Variants in IHO1 observed in about 807,000 individuals in gnomAD.
The protein encoded by IHO1 is interactor of HORMAD1 protein 1.
Under a neutral mutation model 31.0 loss-of-function variants are expected in IHO1, and 13 were observed. The ratio of observed to expected loss-of-function variants is 0.42; its 90% CI spans 0.27 to 0.67. The LOEUF is 0.67. Among genes scored for constraint, IHO1 ranks in the 30% least tolerant of loss-of-function variants. The pLI is 0.24. For missense variants in IHO1, 599 were observed against 687.5 expected, an observed-to-expected ratio of 0.87 and a Z score of 1.44; for synonymous variants, 221 against 248.4, an observed-to-expected ratio of 0.89 and a Z score of 1.04.
chr3:49,236,686 G>C lies in IHO1; in HGVS notation c.195G>C (p.Leu65Phe), dbSNP rs2046563733. Residue 65 changes from leucine to phenylalanine, a missense_variant, in exon 3 of 8, where the codon TTG (leucine) becomes TTC (phenylalanine). Physicochemically the swap from Leu to Phe is conservative, Grantham distance 22. Coordinates refer to ENST00000452691, the MANE Select transcript of IHO1 (RefSeq NM_001135197.2). Reference protein sequence around the residue: ...LSAPLDFGAHLRHSKQSQQNY... With the variant: ...LSAPLDFGAHFRHSKQSQQNY... ...CACCCTTGGACTTTGGTGCCCACTT[G>C]AGACATTCAAAACAGTCACAACAGA... 1 of 1,613,876 alleles carries C rather than the reference G, an allele frequency of 6.2e-7. No homozygotes were observed. The highest frequency in any genetic ancestry group is 8.5e-7 in the Non-Finnish European group (1 of 1,179,994).
chr3:49,247,774 G>T (rs1019146024), intron 6 of IHO1, among the ~76,000 whole-genome samples: 2 of 150,656 alleles, frequency 1.3e-5, no homozygotes, highest in Non-Finnish European at 3.0e-5. Context: ...GGGAGCTAGA[G>T]CAAGACCCTG....
At chr3:49,191,523 G>A in the IHO1 span, 18 of 677,330 alleles carry the variant, frequency 2.7e-5, no homozygotes, top group South Asian at 2.7e-4. Flanking sequence ...ATTTCCACTG[G>A]CTTTCAGGAG....
At chr3:49,246,498 A>T (rs2046696585) in intron 6 of IHO1, among the ~76,000 whole-genome samples, 1 of 152,000 alleles carries the variant, frequency 6.6e-6, no homozygotes, top group Non-Finnish European at 1.5e-5. Flanking sequence ...TGCAAAAAAA[A>T]TTAGCCAGGC....
intron 2 of IHO1, among the ~76,000 whole-genome samples, chr3:49,225,377 CACTTGA>C (rs555975297): frequency 1.3e-5 from 2 of 152,204 alleles, no homozygotes; most frequent in East Asian, 3.9e-4. Context: ...GCAGGAGAAT[CACTTGA>C]ACCCAGGAGG....
chr3:49,194,601 C>T (rs1241726889), upstream of IHO1, among the ~76,000 whole-genome samples: 1 of 146,688 alleles, frequency 6.8e-6, no homozygotes, highest in Non-Finnish European at 1.5e-5. Context: ...CAAAGTATAC[C>T]ATTTATAAAA....
intron 1 of IHO1, among the ~76,000 whole-genome samples, chr3:49,205,647 G>A (rs2046126600): frequency 6.6e-6 from 1 of 151,020 alleles, no homozygotes; most frequent in African/African-American, 2.4e-5. Flanking sequence ...AGGCTGGAGT[G>A]TGGAGTACAG....
chr3:49,214,613 T>TATATATATATATAC lies in IHO1; in HGVS notation c.56+2790_56+2791insCATATATATATATA, dbSNP rs1553616594. ...ACTATCTTTATTTCTAGATCATATATATATATATATATATATATATTTTTT... is the reference window on the plus strand; with the variant it reads ...ACTATCTTTATTTCTAGATCATATATATATATATATATACATATATATATATATATATATTTTTT... On this transcript the variant is annotated intron_variant, in intron 2 of 7. Transcript: ENST00000452691. Among the ~76,000 whole-genome samples the TATATATATATATAC allele has an allele frequency of 1.4e-3, 39 of 28,882 alleles. 2 individuals are homozygous for TATATATATATATAC. The highest frequency in any genetic ancestry group is 3.2e-3 in the South Asian group (1 of 316). The allele number at this position is 28,882 out of a possible 152,430, so 18.9% of individuals were successfully genotyped here.
chr3:49,201,495 C>T (rs879795031), intron 1 of IHO1, among the ~76,000 whole-genome samples: 10 of 151,938 alleles, frequency 6.6e-5, no homozygotes, highest in Non-Finnish European at 1.0e-4. Flanking sequence ...TGGTAGCACA[C>T]GCCTGTAATC....
In IHO1 at chr3:49,246,916, G is replaced by A. The variant is rs987274487; in HGVS notation, c.532+2183G>A. 6.8e-5 allele frequency among the ~76,000 whole-genome samples: 10 copies of A among 146,202 alleles called. 1 individual carries two copies. Among genetic ancestry groups the A allele is most frequent in the Admixed American group, 2.8e-4 (4 of 14,520 alleles). The stretch of plus-strand genomic sequence containing the variant: ...GTCCCCCAGGCTGGAGTGCGATGGC[G>A]CGAACTTGTGCAACCTCTGCCTCCC... On this transcript the variant is annotated intron_variant, in intron 6 of 7. Transcript: ENST00000452691.
chr3:49,247,631 A>C (rs1252419343), intron 6 of IHO1, among the ~76,000 whole-genome samples: 1 of 151,618 alleles, frequency 6.6e-6, no homozygotes, highest in Non-Finnish European at 1.5e-5. Flanking sequence ...TCTACAAAAA[A>C]TAAACAAAAC....
At chr3:49,216,870 A>G (rs1403985394) in intron 2 of IHO1, among the ~76,000 whole-genome samples, 1 of 152,240 alleles carries the variant, frequency 6.6e-6, no homozygotes, top group Non-Finnish European at 1.5e-5. Flanking sequence ...TTATGCAACC[A>G]ACAGACATAT....
intron 1 of IHO1, among the ~76,000 whole-genome samples, chr3:49,208,066 C>G (rs545963832): frequency 6.6e-6 from 1 of 152,336 alleles, no homozygotes; most frequent in African/African-American, 2.4e-5. Context: ...GCCACTGTGC[C>G]CGGCCAAATT....
At chr3:49,218,505 C>T (rs2046316367) in intron 2 of IHO1, among the ~76,000 whole-genome samples, 1 of 151,464 alleles carries the variant, frequency 6.6e-6, no homozygotes, top group Non-Finnish European at 1.5e-5. Context: ...CCTCAGACTC[C>T]CAAGTAGCAG....
chr3:49,214,818 T>G (rs1330732171), intron 2 of IHO1, among the ~76,000 whole-genome samples: 2 of 150,114 alleles, frequency 1.3e-5, no homozygotes, highest in African/African-American at 4.9e-5. Context: ...ATTTGTATTT[T>G]TAGTAGAGAC....
chr3:49,257,156 G>A lies in IHO1; in HGVS notation c.1659G>A (p.Gly553=), dbSNP rs777534935. The change falls in exon 8 of 8, where the codon GGG becomes GGA. Residue 553 remains glycine (G), a synonymous_variant. Coordinates refer to ENST00000452691, the MANE Select transcript of IHO1 (RefSeq NM_001135197.2). ...GGCTACTTTCCAGCAGTTCCCAGGG[G>A]GACCACCAGATGAGCTGGTTCAGTG... ...DNWLLSSSSQ[G]DHQMSWFSDL... is the part of the protein sequence containing the mutation. 3 of 1,614,154 alleles carry A rather than the reference G, an allele frequency of 1.9e-6. No individual in the cohort carries two copies. The highest frequency in any genetic ancestry group is 1.7e-6 in the Non-Finnish European group (2 of 1,180,022).
intron 2 of IHO1, among the ~76,000 whole-genome samples, chr3:49,227,320 A>G (rs558119365): frequency 9.9e-5 from 15 of 152,146 alleles, no homozygotes; most frequent in Non-Finnish European, 5.9e-5. Flanking sequence ...ATTGGTCCCA[A>G]TGGCTTAGGA....
chr3:49,221,937 G>A (rs1225955774), intron 2 of IHO1, among the ~76,000 whole-genome samples: 1 of 152,188 alleles, frequency 6.6e-6, no homozygotes, highest in Non-Finnish European at 1.5e-5. Flanking sequence ...GTGGCATCTT[G>A]TACTATCGCT....
intron 1 of IHO1, 102 bp from the exon 2 acceptor site, chr3:49,211,664 A>G: frequency 2.1e-6 from 1 of 472,426 alleles, no homozygotes; most frequent in Non-Finnish European, 3.8e-6. Context: ...GGATGGGAAT[A>G]TAGCTGCTGG....
Position 49,257,543 on chromosome 3 carries a change from T to C in IHO1, c.*261T>C, listed in dbSNP as rs2046840494. On this transcript the variant is annotated 3_prime_UTR_variant, in exon 8 of 8. Coordinates refer to ENST00000452691, the MANE Select transcript of IHO1 (RefSeq NM_001135197.2). ...ATGAAAACTGAGGCAGCAGCCTGGT[T>C]GTGGGGCATCTGGAGCAGGGTGCCT... The C allele has an allele frequency of 2.4e-6, 1 of 416,454 alleles. No individual in the cohort carries two copies. Among genetic ancestry groups the C allele is most frequent in the East Asian group, 4.6e-5 (1 of 21,528 alleles). The allele number at this position is 416,454 out of a possible 1,614,324, so 25.8% of individuals were successfully genotyped here.
Sources: gnomAD v4.1 joint callset for allele counts (sites outside exome capture counted in the v4.1 genomes callset) on GRCh38, gnomAD v4.1.1 for gene constraint, MANE v1.5 for transcripts, NCBI Gene and HGNC (gene_info 2026-07-23, HGNC 2026-07-21) for gene names.